C19orf47: variants seen among roughly 807,000 people sequenced by gnomAD.
C19orf47 encodes the protein chromosome 19 open reading frame 47, also known as uncharacterized protein C19orf47.
A neutral mutation model predicts 32.3 loss-of-function variants in C19orf47; 18 were observed. The observed-to-expected ratio is 0.56, with a 90% CI of 0.39 to 0.83. C19orf47 has a LOEUF of 0.83. Among genes scored for constraint, C19orf47 ranks in the 40% least tolerant of loss-of-function variants. C19orf47 has a pLI of 0.00. For missense variants in C19orf47, 484 were observed against 531.6 expected (o/e 0.91, Z 0.88); for synonymous variants, 202 against 211.1 (o/e 0.96, Z 0.37).
At chr19:40,314,901 C>A (rs1271112974), downstream of C19orf47, among the ~76,000 whole-genome samples, 1 of 152,120 alleles carries the variant, frequency 6.6e-6, no homozygotes. Context: ...AGGTCTTCCT[C>A]CAAAAAACAC....
At chr19:40,303,675 G>A in the C19orf47 span, among the ~76,000 whole-genome samples, 1 of 151,708 alleles carries the variant, frequency 6.6e-6, no homozygotes, top group African/African-American at 2.4e-5. Flanking sequence ...GTGGTGGCAT[G>A]CGCCTGTAGT....
intron 2 of C19orf47, 139 bp downstream of exon 2, chr19:40,341,700 C>T (rs1190450731): frequency 7.8e-7 from 1 of 1,277,820 alleles, no homozygotes; most frequent in Non-Finnish European, 1.1e-6. Flanking sequence ...CCAGCCCCAC[C>T]CTGCCACGGT....
intron 4 of C19orf47, chr19:40,334,928 C>T (rs1045114785): frequency 8.5e-6 from 1 of 117,700 alleles, no homozygotes; most frequent in Admixed American, 1.0e-4. Flanking sequence ...AAATAATAAA[C>T]AAGTGAAGAA....
At chr19:40,337,928 T>A (rs550238033) in intron 2 of C19orf47, among the ~76,000 whole-genome samples, 1 of 152,242 alleles carries the variant, frequency 6.6e-6, no homozygotes, top group African/African-American at 2.4e-5. Flanking sequence ...GGGCCCTGGG[T>A]CCCACTGACC....
intron 2 of C19orf47, among the ~76,000 whole-genome samples, chr19:40,338,342 T>A (rs558907728): frequency 6.9e-6 from 1 of 144,790 alleles, no homozygotes; most frequent in South Asian, 2.1e-4. Context: ...TACACAAATA[T>A]ATATATACAC....
chr19:40,343,157 G>A (rs1218571395), intron 1 of C19orf47, among the ~76,000 whole-genome samples: 2 of 152,008 alleles, frequency 1.3e-5, no homozygotes, highest in African/African-American at 2.4e-5. Flanking sequence ...TCCCTGACCC[G>A]GCTCCTCTGC....
the C19orf47 span, among the ~76,000 whole-genome samples, chr19:40,294,574 T>C: frequency 2.6e-5 from 4 of 152,182 alleles, no homozygotes; most frequent in African/African-American, 9.6e-5. Context: ...CAAAGACTGG[T>C]GAGTTCACAG....
chr19:40,336,564 T>C (rs2078070244), intron 2 of C19orf47, among the ~76,000 whole-genome samples, 157 bp from the exon 3 acceptor site: 1 of 152,198 alleles, frequency 6.6e-6, no homozygotes, highest in Non-Finnish European at 1.5e-5. Context: ...TGAGCCTTCC[T>C]GACCCTGTGA....
At position 40,326,481 on chromosome 19, in the gene C19orf47, G is replaced by A. The variant is rs139610752; in HGVS notation, c.445C>T (p.Leu149=). The A allele has an allele frequency of 8.1e-6, 13 of 1,612,620 alleles. No homozygotes were observed. The highest frequency in any genetic ancestry group is 2.7e-5 in the African/African-American group (2 of 74,946). ...AGGCTCTCCTCCTCCCGGCGGGCCA[G>A]GGCTGCTGGGGGAAGAAAGCAGGGG... ...AAKSAKATAA[L]ARREEESLAV... Residue 149 remains leucine, a synonymous_variant, in exon 7 of 9, where the codon CTG becomes TTG. Coordinates refer to ENST00000683109, the MANE Select transcript of C19orf47 (RefSeq NM_001256441.2).
intron 2 of C19orf47, chr19:40,339,204 T>C (rs2078128750): frequency 6.6e-6 from 1 of 152,656 alleles, no homozygotes; most frequent in Non-Finnish European, 1.5e-5. Context: ...TGAAACCCAG[T>C]GTTTGAGGAA....
At chr19:40,310,133 CATAG>C in the C19orf47 span, among the ~76,000 whole-genome samples, 2 of 151,946 alleles carry the variant, frequency 1.3e-5, no homozygotes, top group South Asian at 2.1e-4. Context: ...TCCATCAACT[CATAG>C]ATAAACAAAT....
rs750172927 is a variant in C19orf47 at position 40,322,268 on chromosome 19, G to C, written c.772C>G (p.Leu258Val). ...GCTGGGCCCCGTCCTAGCTTCTTCA[G>C]GACCCCGGCATACTGCAAGACAGAG... ...SSSVLQYAGVLKKLGRGPAKA... is the reference protein window; with the variant it reads ...SSSVLQYAGVVKKLGRGPAKA... The change falls in exon 9 of 9, where the codon CTG becomes GTG. Residue 258 changes from leucine (L) to valine (V), a missense_variant. Transcript: ENST00000683109. 3.1e-6 allele frequency: 5 copies of C among 1,608,818 alleles called. No individual in the cohort carries two copies. Among genetic ancestry groups the C allele is most frequent in the Non-Finnish European group, 4.2e-6 (5 of 1,179,990 alleles).
chr19:40,348,275 G>A, intron 1 of C19orf47, 49 bp downstream of exon 1: 2 of 1,253,504 alleles, frequency 1.6e-6, no homozygotes, highest in South Asian at 2.0e-5. Flanking sequence ...GACGCCACCC[G>A]TCCCTACCGC....
At position 40,320,217 on chromosome 19, in the gene C19orf47, A is replaced by G. The variant is rs890773; in HGVS notation, c.*1665T>C. 61,642 of 155,046 alleles carry G rather than the reference A, an allele frequency of 0.4. 13,519 individuals carry two copies. The highest frequency in any genetic ancestry group is 0.61 in the South Asian group (3,129 of 5,164). The allele number at this position is 155,046 out of a possible 1,614,324, so 9.6% of individuals were successfully genotyped here. Reference sequence around the variant, plus strand: ...GGACTGCTGCAGTGGCATCCACCCCAGCCCTCCCAGCCATTCCTTCTCCTC... The same window carrying G: ...GGACTGCTGCAGTGGCATCCACCCCGGCCCTCCCAGCCATTCCTTCTCCTC... On this transcript the variant is annotated 3_prime_UTR_variant, in exon 9 of 9. Coordinates refer to ENST00000683109, the MANE Select transcript of C19orf47 (RefSeq NM_001256441.2).
chr19:40,344,294 C>T (rs1307499687), intron 1 of C19orf47, among the ~76,000 whole-genome samples: 1 of 151,392 alleles, frequency 6.6e-6, no homozygotes, highest in African/African-American at 2.4e-5. Flanking sequence ...GCCTGGCCAA[C>T]ATGGTGAAAC....
intron 1 of C19orf47, chr19:40,343,840 G>A (rs984611412): frequency 1.2e-4 from 18 of 149,404 alleles, no homozygotes; most frequent in African/African-American, 4.2e-4. Flanking sequence ...CTGTCGCCCA[G>A]GCTGGAGTGC....
chr19:40,332,537 C>G (rs1262699776), intron 5 of C19orf47: 1 of 151,622 alleles, frequency 6.6e-6, no homozygotes, highest in African/African-American at 2.4e-5. Context: ...ATCCCAGCTA[C>G]TCGGGAGGCT....
At chr19:40,344,387 G>C (rs1465806559) in intron 1 of C19orf47, among the ~76,000 whole-genome samples, 1 of 151,984 alleles carries the variant, frequency 6.6e-6, no homozygotes, top group Non-Finnish European at 1.5e-5. Context: ...GCTGAGGCAG[G>C]AGAATCGCTT....
the C19orf47 span, among the ~76,000 whole-genome samples, chr19:40,308,920 A>G: frequency 6.6e-6 from 1 of 152,156 alleles, no homozygotes; most frequent in African/African-American, 2.4e-5. Context: ...AAATTAAAAA[A>G]TTAGCCGGGC....
Sources: gnomAD v4.1 joint callset for allele counts (sites outside exome capture counted in the v4.1 genomes callset) on GRCh38, gnomAD v4.1.1 for gene constraint, MANE v1.5 for transcripts, NCBI Gene and HGNC (gene_info 2026-07-23, HGNC 2026-07-21) for gene names.